Variants in RAPGEF1 observed in about 807,000 individuals in gnomAD.
RAPGEF1 encodes Rap guanine nucleotide exchange factor 1, also known as CRK SH3-binding GNRP.
RAPGEF1 carries 33 observed loss-of-function variants against 143.3 expected under a neutral mutation model. That is an observed-to-expected ratio of 0.23 (90% CI 0.17 to 0.31). The LOEUF (loss-of-function observed/expected upper bound fraction) is 0.31, where lower values mean the gene tolerates loss of function less well. Ranked by LOEUF, RAPGEF1 falls within the 10% of genes least tolerant of loss-of-function variation. RAPGEF1 has a pLI of 1.00. For synonymous variants in RAPGEF1, 629 were observed against 676.5 expected (o/e 0.93, Z 1.09); for missense variants, 1,199 against 1,645.4 (o/e 0.73, Z 4.69).
In RAPGEF1 at chr9:131,605,007, G is replaced by C; in HGVS notation, c.2243C>G (p.Pro748Arg). The C allele has an allele frequency of 7.4e-7, 1 of 1,357,372 alleles. No individual in the cohort carries two copies. The allele number at this position is 1,357,372 out of a possible 1,614,324, so 84.1% of individuals were successfully genotyped here. A position where few individuals can be genotyped will look rare whatever the true frequency, so the allele number is the denominator to read the frequency against. The change falls in exon 13 of 27, where the codon CCT becomes CGT. Residue 748 changes from proline (P) to arginine (R), a missense_variant. By Grantham distance (103) the Pro-to-Arg change is moderately radical. Around this residue, in one of 6 missense-constraint regions of RAPGEF1, gnomAD observed 293 missense variants for 356.2 expected, o/e 0.82. Coordinates refer to ENST00000683357, the MANE Select transcript of RAPGEF1 (RefSeq NM_001377935.1). ...AGPPPSTVDG[P>R]LSASQESSFH... ...GCTGCTCTCCTGAGAAGCCGAGAGA[G>C]GCCCGTCCACGGTGCTGGGAGGTGG...
chr9:131,697,911 G>C (rs748870561), intron 1 of RAPGEF1, among the ~76,000 whole-genome samples: 1 of 152,208 alleles, frequency 6.6e-6, no homozygotes, highest in African/African-American at 2.4e-5. Context: ...GGGCCAGAAA[G>C]AGAGGGGCCA....
intron 1 of RAPGEF1, among the ~76,000 whole-genome samples, chr9:131,725,621 GCT>G (rs1320379696): frequency 1.3e-5 from 2 of 152,236 alleles, no homozygotes; most frequent in Admixed American, 6.5e-5. Flanking sequence ...ACTGCACCCA[GCT>G]CTGTTTGTAG....
At chr9:131,665,566 TC>T (rs915708630) in intron 1 of RAPGEF1, among the ~76,000 whole-genome samples, 6 of 152,030 alleles carry the variant, frequency 3.9e-5, no homozygotes, top group African/African-American at 1.4e-4. Flanking sequence ...ATGTCACCCT[TC>T]TGTTTGAAAA....
intron 12 of RAPGEF1, among the ~76,000 whole-genome samples, chr9:131,616,161 C>T (rs556533157): frequency 1.3e-4 from 19 of 151,912 alleles, no homozygotes; most frequent in African/African-American, 4.1e-4. Flanking sequence ...CCAGCTACTC[C>T]GGAGGCTGAG....
chr9:131,662,499 C>G (rs991202575), intron 1 of RAPGEF1, among the ~76,000 whole-genome samples: 3 of 151,902 alleles, frequency 2.0e-5, no homozygotes. Context: ...TCCTGAGGAG[C>G]TGGGACTACA....
At chr9:131,711,034 TC>T (rs1003074376) in intron 1 of RAPGEF1, among the ~76,000 whole-genome samples, 5 of 151,236 alleles carry the variant, frequency 3.3e-5, no homozygotes, top group African/African-American at 1.2e-4. Context: ...ACTCAGGAGG[TC>T]CCTGGTGAAT....
intron 1 of RAPGEF1, among the ~76,000 whole-genome samples, chr9:131,699,239 C>CTT (rs35856609): frequency 1.2e-4 from 15 of 124,800 alleles, no homozygotes; most frequent in Admixed American, 2.5e-4. Context: ...TCCACTGACA[C>CTT]TTTTTTTTTT....
chr9:131,726,251 G>A (rs1378862914), intron 1 of RAPGEF1, among the ~76,000 whole-genome samples: 1 of 152,154 alleles, frequency 6.6e-6, no homozygotes, highest in Admixed American at 6.5e-5. Flanking sequence ...AGTCAGTACA[G>A]AGTAAAAGGC....
At chr9:131,658,280 C>T (rs535818002) in intron 1 of RAPGEF1, among the ~76,000 whole-genome samples, 12 of 152,342 alleles carry the variant, frequency 7.9e-5, no homozygotes, top group African/African-American at 2.9e-4. Context: ...TTCCTCCCGG[C>T]ACCTGGGGTT....
chr9:131,626,131 T>C lies in RAPGEF1; in HGVS notation c.1493A>G (p.His498Arg). The change falls in exon 10 of 27, where the codon CAT becomes CGT. Residue 498 changes from histidine to arginine, a missense_variant. Physicochemically the swap from His to Arg is conservative, Grantham distance 29. Coordinates refer to ENST00000683357, the MANE Select transcript of RAPGEF1 (RefSeq NM_001377935.1). ...GSGCRVSYER[H>R]PSQYDNISGE... is the part of the protein sequence containing the mutation. ...AGAGATGTTGTCATACTGCGAGGGA[T>C]GCCGCTCGTAGGACACCCTGCAGCC... is the stretch of plus-strand genomic sequence containing the variant. 3 of 1,613,756 alleles carry C rather than the reference T, an allele frequency of 1.9e-6. No homozygotes were observed. The highest frequency in any genetic ancestry group is 2.5e-6 in the Non-Finnish European group (3 of 1,179,862).
intron 18 of RAPGEF1, among the ~76,000 whole-genome samples, chr9:131,591,572 G>A (rs984231381): frequency 5.9e-5 from 9 of 152,172 alleles, no homozygotes; most frequent in African/African-American, 1.4e-4. Flanking sequence ...GGTAGATCTG[G>A]GGACAGGAGC....
intron 1 of RAPGEF1, among the ~76,000 whole-genome samples, chr9:131,653,914 A>G (rs951842550): frequency 3.3e-5 from 5 of 152,280 alleles, no homozygotes; most frequent in African/African-American, 1.2e-4. Context: ...AATAAAATGT[A>G]TTATATCCAT....
rs181130226 is a variant in RAPGEF1, at chr9:131,667,733, C to T, written c.62-16784G>A. On this transcript the variant is annotated intron_variant, in intron 1 of 26. Transcript: ENST00000683357. The surrounding 1 kb of genome is among the most constrained non-coding windows in gnomAD (Gnocchi z 4.6). ...CTAGGGCAGCCTATCCACGTATTCC[C>T]GTCCCACCCACGTCTCAGATGGAAG... 2.0e-4 allele frequency among the ~76,000 whole-genome samples: 31 copies of T among 152,282 alleles called. No individual in the cohort carries two copies. The highest frequency in any genetic ancestry group is 7.0e-4 in the African/African-American group (29 of 41,544).
intron 16 of RAPGEF1, among the ~76,000 whole-genome samples, chr9:131,596,683 T>G (rs142088319): frequency 6.6e-6 from 1 of 152,124 alleles, no homozygotes; most frequent in Non-Finnish European, 1.5e-5. Flanking sequence ...CCAGGGGACA[T>G]AGCACCTTCC....
chr9:131,737,355 T>G (rs370391507), intron 1 of RAPGEF1: 1 of 1,612,478 alleles, frequency 6.2e-7, no homozygotes, highest in Non-Finnish European at 8.5e-7. Context: ...ACAAACACTG[T>G]CCCCTCCAGT....
chr9:131,686,604 A>G (rs899509822), intron 1 of RAPGEF1, among the ~76,000 whole-genome samples: 5 of 152,180 alleles, frequency 3.3e-5, no homozygotes, highest in Non-Finnish European at 7.3e-5. Context: ...TTTCTCCCAC[A>G]GACTTCCTTG....
intron 1 of RAPGEF1, among the ~76,000 whole-genome samples, chr9:131,654,217 A>G (rs1282123801): frequency 6.6e-6 from 1 of 151,976 alleles, no homozygotes; most frequent in Non-Finnish European, 1.5e-5. Flanking sequence ...TGATGGTTGT[A>G]TAGCCCAGTG....
chr9:131,685,250 C>T (rs909416795), intron 1 of RAPGEF1, among the ~76,000 whole-genome samples: 3 of 152,012 alleles, frequency 2.0e-5, no homozygotes, highest in Non-Finnish European at 2.9e-5. Flanking sequence ...TAGCTCACCG[C>T]GACAAAGCTG....
rs999313979 is a variant in RAPGEF1, at chr9:131,583,496, T to C, written c.3415-794A>G. ...CCAGGTGGCCTGGCTGACGCTCGGG[T>C]TCCTGACATGACCTCTGGGTGGTCT... On this transcript the variant is annotated intron_variant, in intron 24 of 26. Transcript: ENST00000683357. This position sits in a 1 kb window ranked among gnomAD's most constrained non-coding sequence, Gnocchi z 4.7. Among the ~76,000 whole-genome samples, 2 of 149,492 alleles carry C rather than the reference T, an allele frequency of 1.3e-5. No homozygotes were observed. Among genetic ancestry groups the C allele is most frequent in the African/African-American group, 5.0e-5 (2 of 40,138 alleles).
Sources: allele counts gnomAD v4.1 joint callset (sites outside exome capture counted in the v4.1 genomes callset), GRCh38; gene constraint gnomAD v4.1.1; regional missense constraint gnomAD v4.1.1; non-coding constraint Gnocchi (gnomAD v3.1); transcripts MANE v1.5; gene names NCBI Gene and HGNC (gene_info 2026-07-23, HGNC 2026-07-21).